FAM53A: variants seen among roughly 807,000 people sequenced by gnomAD.
The protein encoded by FAM53A is family with sequence similarity 53 member A.
In FAM53A, 28 loss-of-function variants were observed where a neutral mutation model predicts 26.6. The observed-to-expected ratio is 1.05, with a 90% CI of 0.78 to 1.45. The LOEUF is 1.45. Ranked by LOEUF, FAM53A falls within the 40% of genes most tolerant of loss-of-function variation. The pLI is 0.00. For missense variants in FAM53A, 650 were observed against 575.8 expected (o/e 1.13, Z -1.32); for synonymous variants, 290 against 253.1 (o/e 1.15, Z -1.38).
intron 1 of FAM53A, among the ~76,000 whole-genome samples, chr4:1,634,644 T>C (rs1274381183): frequency 6.6e-6 from 1 of 152,154 alleles, no homozygotes; most frequent in African/African-American, 2.4e-5. Context: ...ACGCCTGTAA[T>C]ACCAGAACTT....
downstream of FAM53A, among the ~76,000 whole-genome samples, chr4:1,637,029 G>A (rs1211314687): frequency 6.6e-6 from 1 of 152,218 alleles, no homozygotes; most frequent in Non-Finnish European, 1.5e-5. Context: ...AGCTCCCGCT[G>A]CACCAGAGCA....
At chr4:1,629,257 C>G (rs1412446947) in intron 1 of FAM53A, among the ~76,000 whole-genome samples, 1 of 152,124 alleles carries the variant, frequency 6.6e-6, no homozygotes, top group Non-Finnish European at 1.5e-5. Flanking sequence ...ACTCCAGGGC[C>G]CACAGAGGGA....
chr4:1,669,753 C>T (rs777888797), intron 1 of FAM53A, among the ~76,000 whole-genome samples: 3 of 152,238 alleles, frequency 2.0e-5, no homozygotes, highest in Non-Finnish European at 4.4e-5. Context: ...AGGCCTTCCT[C>T]AGCAGCAGCC....
the FAM53A span, among the ~76,000 whole-genome samples, chr4:1,603,142 C>T: frequency 3.3e-5 from 5 of 152,146 alleles, no homozygotes; most frequent in Admixed American, 1.3e-4. Flanking sequence ...ATGAGTGGGG[C>T]GAGCCGAGTA....
In FAM53A at chr4:1,641,237, T is replaced by C; in HGVS notation, c.*56A>G. 2 of 1,587,344 alleles carry C rather than the reference T, an allele frequency of 1.3e-6. No individual in the cohort carries two copies. Among genetic ancestry groups the C allele is most frequent in the Non-Finnish European group, 1.7e-6 (2 of 1,163,090 alleles). On this transcript the variant is annotated 3_prime_UTR_variant, in exon 5 of 5. Transcript: ENST00000308132. ...CGACCAGCTCACAGGAAACCTACTC[T>C]GTGCCCCAGGGCAGGTGCAGGCGGC...
chr4:1,657,040 T>C (rs374067756), intron 3 of FAM53A, among the ~76,000 whole-genome samples: 1 of 152,208 alleles, frequency 6.6e-6, no homozygotes, highest in Non-Finnish European at 1.5e-5. Flanking sequence ...CAGTATGCCA[T>C]GGCACGCTCC....
intron 1 of FAM53A, among the ~76,000 whole-genome samples, chr4:1,629,573 G>C (rs1416755999): frequency 6.6e-6 from 1 of 152,182 alleles, no homozygotes; most frequent in East Asian, 1.9e-4. Context: ...CCCTCATCCT[G>C]CCTGTGGCTG....
At chr4:1,674,961 C>T (rs6833837) in intron 1 of FAM53A, among the ~76,000 whole-genome samples, 88,271 of 152,076 alleles carry the variant, frequency 0.58, 27,362 homozygotes, top group East Asian at 0.89. Flanking sequence ...AAGCCCCTGC[C>T]GGAGCTGGGA....
chr4:1,642,669 AC>A (rs543227706), intron 4 of FAM53A, among the ~76,000 whole-genome samples: 3 of 91,824 alleles, frequency 3.3e-5, no homozygotes, highest in South Asian at 7.2e-4. Flanking sequence ...CCGGGCCCCC[AC>A]CCCCCGCCAC....
chr4:1,598,517 C>T, the FAM53A span, among the ~76,000 whole-genome samples: 1 of 152,236 alleles, frequency 6.6e-6, no homozygotes, highest in East Asian at 1.9e-4. Flanking sequence ...CCCAGAGCGG[C>T]CACAGAAGCA....
chr4:1,615,839 C>T (rs773781159), downstream of FAM53A, among the ~76,000 whole-genome samples: 3 of 152,246 alleles, frequency 2.0e-5, no homozygotes, highest in Non-Finnish European at 2.9e-5. Flanking sequence ...AAGGACCATG[C>T]ACTTTTCTCC....
chr4:1,663,981 C>T (rs1471993164), intron 2 of FAM53A, among the ~76,000 whole-genome samples: 1 of 152,186 alleles, frequency 6.6e-6, no homozygotes. Context: ...GCGCACGAGG[C>T]GGCAGCCGGG....
At chr4:1,666,241 G>A (rs79079384) in intron 2 of FAM53A, among the ~76,000 whole-genome samples, 43 of 78,674 alleles carry the variant, frequency 5.5e-4, no homozygotes, top group South Asian at 9.7e-4. Flanking sequence ...CTAAAATAAA[G>A]CCTGCACCTG....
the FAM53A span, among the ~76,000 whole-genome samples, chr4:1,592,373 A>G: frequency 6.6e-6 from 1 of 152,204 alleles, no homozygotes; most frequent in Admixed American, 6.5e-5. Flanking sequence ...GCAGGCCTGG[A>G]GGGCGCGAGG....
downstream of FAM53A, among the ~76,000 whole-genome samples, chr4:1,637,488 G>T (rs943571253): frequency 6.6e-6 from 1 of 152,112 alleles, no homozygotes; most frequent in African/African-American, 2.4e-5. Context: ...GGATGCTCTG[G>T]GAAGGGTGGG....
chr4:1,609,611 C>G, the FAM53A span, among the ~76,000 whole-genome samples: 2 of 152,108 alleles, frequency 1.3e-5, no homozygotes, highest in Non-Finnish European at 2.9e-5. Flanking sequence ...GAGGCGCCTT[C>G]CATCAGGGTT....
chr4:1,681,603 C>T (rs1462672577), intron 1 of FAM53A, among the ~76,000 whole-genome samples: 2 of 150,020 alleles, frequency 1.3e-5, no homozygotes, highest in Non-Finnish European at 3.0e-5. Flanking sequence ...CTGAAGCAAT[C>T]CTCCCACCTC....
intron 4 of FAM53A, among the ~76,000 whole-genome samples, chr4:1,648,083 C>A (rs1276133364): frequency 6.6e-6 from 1 of 152,104 alleles, no homozygotes; most frequent in African/African-American, 2.4e-5. Context: ...GGAGTGTGCA[C>A]CTGTGGTCCC....
chr4:1,622,401 C>T (rs927809122), intron 1 of FAM53A, among the ~76,000 whole-genome samples: 1 of 152,204 alleles, frequency 6.6e-6, no homozygotes, highest in Non-Finnish European at 1.5e-5. Context: ...CTGGGGACTC[C>T]TTTGTGGCCC....
Sources: allele counts gnomAD v4.1 joint callset (sites outside exome capture counted in the v4.1 genomes callset), GRCh38; gene constraint gnomAD v4.1.1; transcripts MANE v1.5; gene names NCBI Gene and HGNC (gene_info 2026-07-23, HGNC 2026-07-21).